PRPF18: variants seen among roughly 807,000 people sequenced by gnomAD.
PRPF18 encodes pre-mRNA-splicing factor 18.
PRPF18 carries 38 observed loss-of-function variants against 46.5 expected under a neutral mutation model. That is an observed-to-expected ratio of 0.82 (90% CI 0.63 to 1.07). The LOEUF is 1.07. Ranked by LOEUF, PRPF18 falls within the 50% of genes least tolerant of loss-of-function variation. The pLI is 0.00. For missense variants in PRPF18, 263 were observed against 410.0 expected, an observed-to-expected ratio of 0.64 and a Z score of 3.10; for synonymous variants, 152 against 146.7, an observed-to-expected ratio of 1.04 and a Z score of -0.26.
the PRPF18 span, chr10:13,642,622 C>T: frequency 6.6e-6 from 1 of 152,174 alleles, no homozygotes; most frequent in Admixed American, 6.5e-5. Flanking sequence ...GAGGATCTTC[C>T]TATCTACCAG....
At chr10:13,591,988 A>G in intron 1 of PRPF18, 1 of 904,646 alleles carries the variant, frequency 1.1e-6, no homozygotes, top group Non-Finnish European at 1.7e-6. Context: ...GTAGGAAAAT[A>G]TCTAGGCATT....
chr10:13,634,066 G>A (rs1007315801), downstream of PRPF18, among the ~76,000 whole-genome samples: 1 of 152,216 alleles, frequency 6.6e-6, no homozygotes, highest in Admixed American at 6.5e-5. Flanking sequence ...AGGGAGGGCA[G>A]TGTGGCCAGC....
At chr10:13,637,420 G>A in the PRPF18 span, among the ~76,000 whole-genome samples, 1 of 152,182 alleles carries the variant, frequency 6.6e-6, no homozygotes, top group East Asian at 1.9e-4. Flanking sequence ...TTTCTCTAAT[G>A]GCTAATATAG....
At chr10:13,635,512 A>G (rs184030126), downstream of PRPF18, among the ~76,000 whole-genome samples, 252 of 152,364 alleles carry the variant, frequency 1.7e-3, no homozygotes, top group Admixed American at 3.7e-3. Context: ...ACTCCCACCA[A>G]TAGTATAAAA....
chr10:13,618,691 A>G (rs1268078473), intron 9 of PRPF18, among the ~76,000 whole-genome samples: 1 of 151,288 alleles, frequency 6.6e-6, no homozygotes, highest in Non-Finnish European at 1.5e-5. Context: ...GTAGTATGAT[A>G]TGGCCACCTA....
the PRPF18 span, chr10:13,653,027 C>G: frequency 1.3e-5 from 2 of 151,748 alleles, no homozygotes; most frequent in Admixed American, 6.6e-5. Context: ...CTTAGTTCCT[C>G]TGAGCCTCAT....
chr10:13,621,356 A>C (rs1209852567), intron 9 of PRPF18, among the ~76,000 whole-genome samples: 1 of 152,054 alleles, frequency 6.6e-6, no homozygotes, highest in Non-Finnish European at 1.5e-5. Context: ...GTTGGAGAAG[A>C]ATGAGTTTAG....
chr10:13,603,291 G>GGGA (rs1156698918), intron 3 of PRPF18, among the ~76,000 whole-genome samples: 55 of 152,044 alleles, frequency 3.6e-4, no homozygotes, highest in African/African-American at 1.1e-3. Context: ...CATTTTTTGG[G>GGGA]GGAGGTGGTG....
chr10:13,655,817 G>A, the PRPF18 span: 2 of 152,086 alleles, frequency 1.3e-5, no homozygotes, highest in African/African-American at 4.8e-5. Context: ...CTTCTCCTCA[G>A]TGTCCCTCTC....
chr10:13,652,480 G>A, the PRPF18 span: 1 of 166,140 alleles, frequency 6.0e-6, no homozygotes, highest in African/African-American at 2.4e-5. Context: ...TTCTTGTTTA[G>A]TCACTGGAGG....
chr10:13,588,268 G>A (rs1469213841), intron 1 of PRPF18, among the ~76,000 whole-genome samples: 1 of 152,098 alleles, frequency 6.6e-6, no homozygotes, highest in Admixed American at 6.5e-5. Flanking sequence ...TTAGCTGGGC[G>A]TGGTGGTGCG....
intron 2 of PRPF18, among the ~76,000 whole-genome samples, chr10:13,598,653 A>G (rs2080066711): frequency 6.6e-6 from 1 of 152,226 alleles, no homozygotes; most frequent in African/African-American, 2.4e-5. Flanking sequence ...TTTTTTCCAT[A>G]AAGATATTTG....
chr10:13,648,676 C>T, the PRPF18 span: 2 of 152,286 alleles, frequency 1.3e-5, no homozygotes, highest in South Asian at 2.1e-4. Flanking sequence ...CCCAGCCAGC[C>T]CGGGCTCCAG....
chr10:13,603,031 C>T (rs1336549010), intron 3 of PRPF18, among the ~76,000 whole-genome samples: 1 of 152,190 alleles, frequency 6.6e-6, no homozygotes, highest in Non-Finnish European at 1.5e-5. Context: ...TGCGCCTGGC[C>T]TAGAATTTAC....
intron 9 of PRPF18, among the ~76,000 whole-genome samples, chr10:13,624,981 G>A (rs752485576): frequency 6.6e-6 from 1 of 152,122 alleles, no homozygotes; most frequent in Non-Finnish European, 1.5e-5. Context: ...CAGAAAAAAA[G>A]ACCTTCATAG....
intron 1 of PRPF18, among the ~76,000 whole-genome samples, chr10:13,590,741 G>A (rs189213504): frequency 1.3e-5 from 2 of 152,194 alleles, no homozygotes; most frequent in Admixed American, 6.5e-5. Flanking sequence ...TACAGATGAG[G>A]AAACTGGAAG....
intron 9 of PRPF18, among the ~76,000 whole-genome samples, chr10:13,621,748 C>T (rs369263323): frequency 1.3e-5 from 2 of 152,100 alleles, no homozygotes; most frequent in Non-Finnish European, 2.9e-5. Context: ...TAATGATTTC[C>T]GTTAAGCTTT....
rs548774125 is a variant in PRPF18, at chr10:13,598,876, G to C, written c.144+1341G>C. Among the ~76,000 whole-genome samples the C allele has an allele frequency of 2.7e-3, 407 of 152,238 alleles. 1 individual carries two copies. Among genetic ancestry groups the C allele is most frequent in the Middle Eastern group, 0.02 (6 of 294 alleles). ...ACCTTTTCAACTATTTGATAAGGTAGGAAAGTAACTTAATATAGTGGCAGT... is the reference window on the plus strand; with the variant it reads ...ACCTTTTCAACTATTTGATAAGGTACGAAAGTAACTTAATATAGTGGCAGT... On this transcript the variant is annotated intron_variant, in intron 2 of 9. Coordinates refer to ENST00000378572, the MANE Select transcript of PRPF18 (RefSeq NM_003675.4).
chr10:13,634,119 A>G (rs2080614045), downstream of PRPF18, among the ~76,000 whole-genome samples: 1 of 152,246 alleles, frequency 6.6e-6, no homozygotes, highest in African/African-American at 2.4e-5. Flanking sequence ...GAATATTGAA[A>G]AACATGCTCA....
Sources: allele counts gnomAD v4.1 joint callset (sites outside exome capture counted in the v4.1 genomes callset), GRCh38; gene constraint gnomAD v4.1.1; transcripts MANE v1.5; gene names NCBI Gene and HGNC (gene_info 2026-07-23, HGNC 2026-07-21).